TNFRSF8: variants seen among roughly 807,000 people sequenced by gnomAD.
TNFRSF8 encodes TNF receptor superfamily member 8.
Under a neutral mutation model 70.8 loss-of-function variants are expected in TNFRSF8, and 26 were observed. The ratio of observed to expected loss-of-function variants is 0.37; its 90% CI spans 0.27 to 0.51. TNFRSF8 has a LOEUF of 0.51. TNFRSF8 is among the 20% of genes least tolerant of loss of function. TNFRSF8 has a pLI of 0.94. For synonymous variants in TNFRSF8, 356 were observed against 339.2 expected, an observed-to-expected ratio of 1.05 and a Z score of -0.54; for missense variants, 720 against 807.9, an observed-to-expected ratio of 0.89 and a Z score of 1.32.
chr1:12,094,168 A>G (rs1229444547), intron 2 of TNFRSF8, among the ~76,000 whole-genome samples: 1 of 152,006 alleles, frequency 6.6e-6, no homozygotes, highest in Non-Finnish European at 1.5e-5. Flanking sequence ...TGGGGAATTT[A>G]GACACTGTGA....
chr1:12,125,269 A>G (rs919896768), intron 10 of TNFRSF8, among the ~76,000 whole-genome samples: 1 of 152,204 alleles, frequency 6.6e-6, no homozygotes, highest in African/African-American at 2.4e-5. Flanking sequence ...AGGTGTGAAG[A>G]AGTAGATCTA....
intron 2 of TNFRSF8, among the ~76,000 whole-genome samples, chr1:12,093,340 G>A (rs892618351): frequency 2.0e-5 from 3 of 152,212 alleles, no homozygotes; most frequent in Non-Finnish European, 2.9e-5. Context: ...CAGACTGGCT[G>A]TAGTAGAGAG....
chr1:12,106,640 T>TG (rs941422584), intron 4 of TNFRSF8, among the ~76,000 whole-genome samples: 5 of 151,508 alleles, frequency 3.3e-5, no homozygotes, highest in African/African-American at 1.2e-4. Context: ...TCCGAGCTGG[T>TG]GGGGGGGTGG....
chr1:12,095,795 A>G (rs1641322146), intron 2 of TNFRSF8, among the ~76,000 whole-genome samples: 1 of 152,238 alleles, frequency 6.6e-6, no homozygotes. Flanking sequence ...ATAAGACAAA[A>G]GAGAAATAAT....
At chr1:12,097,921 AAAT>A (rs1260358369) in intron 3 of TNFRSF8, among the ~76,000 whole-genome samples, 8 of 152,172 alleles carry the variant, frequency 5.3e-5, no homozygotes, top group Non-Finnish European at 1.0e-4. Context: ...TGTGTTATTT[AAAT>A]AATGTGTACC....
chr1:12,142,442 CCG>C lies in TNFRSF8; in HGVS notation c.1701_1702del (p.Pro568SerfsTer36), dbSNP rs1301609029. The C allele has an allele frequency of 1.2e-6, 2 of 1,612,958 alleles. No homozygotes were observed. The highest frequency in any genetic ancestry group is 8.5e-7 in the Non-Finnish European group (1 of 1,179,716). On this transcript the variant is annotated frameshift_variant, in exon 15 of 15. Transcript: ENST00000263932. LOFTEE classifies it high-confidence loss of function. The surrounding 1 kb of genome is among the most constrained non-coding windows in gnomAD (Gnocchi z 5.0). Reference sequence around the variant, plus strand: ...CCACTACCCCGAGCAGGAGACAGAACCGCCTCTGGGCAGCTGCAGCGATGTCA... The same window carrying C: ...CCACTACCCCGAGCAGGAGACAGAACCCTCTGGGCAGCTGCAGCGATGTCA... ...TPHYPEQETE[P>X]PLGSCSDVML...
At position 12,123,804 on chromosome 1, in the gene TNFRSF8, C is replaced by T. The variant is rs756071503; in HGVS notation, c.1130C>T (p.Thr377Met). Residue 377 changes from threonine (T) to methionine (M), a missense_variant, in exon 10 of 15, where the codon ACG (threonine) becomes ATG (methionine). Physicochemically the swap from Thr to Met is moderately conservative, Grantham distance 81 (BLOSUM62 -1). Coordinates refer to ENST00000263932, the MANE Select transcript of TNFRSF8 (RefSeq NM_001243.5). Reference sequence around the variant, plus strand: ...AGCGCTCCCGTCGCTCTCTCCTCCACGGGGAAGCCCGTTCTGGATGCAGGT... The same window carrying T: ...AGCGCTCCCGTCGCTCTCTCCTCCATGGGGAAGCCCGTTCTGGATGCAGGT... ...PTSAPVALSS[T>M]GKPVLDAGPV... The T allele has an allele frequency of 8.3e-6, 13 of 1,571,614 alleles. No individual in the cohort carries two copies. The highest frequency in any genetic ancestry group is 3.7e-5 in the Admixed American group (2 of 53,974).
chr1:12,138,262 G>A lies in TNFRSF8; in HGVS notation c.1369G>A (p.Val457Ile), dbSNP rs199499696. 16 of 1,613,440 alleles carry A rather than the reference G, an allele frequency of 9.9e-6. No homozygotes were observed. Among genetic ancestry groups the A allele is most frequent in the East Asian group, 4.5e-5 (2 of 44,890 alleles). Residue 457 changes from valine to isoleucine, a missense_variant, in exon 14 of 15, where the codon GTC (valine) becomes ATC (isoleucine). Transcript: ENST00000263932. This position sits in a 1 kb window ranked among gnomAD's most constrained non-coding sequence, Gnocchi z 5.7. Reference protein sequence around the residue: ...LRSGASVTEPVAEERGLMSQP... With the variant: ...LRSGASVTEPIAEERGLMSQP... ...GAGTGGTGCGTCGGTGACAGAACCCGTCGCGGAAGAGCGAGGGTTAATGAG... is the reference window on the plus strand; with the variant it reads ...GAGTGGTGCGTCGGTGACAGAACCCATCGCGGAAGAGCGAGGGTTAATGAG...
At chr1:12,120,618 G>T (rs1391086447) in intron 8 of TNFRSF8, among the ~76,000 whole-genome samples, 1 of 152,178 alleles carries the variant, frequency 6.6e-6, no homozygotes, top group African/African-American at 2.4e-5. Context: ...CCCAAGGACT[G>T]GGTGTTTGGA....
intron 4 of TNFRSF8, among the ~76,000 whole-genome samples, chr1:12,104,982 G>A (rs1641494833): frequency 6.6e-6 from 1 of 152,130 alleles, no homozygotes; most frequent in South Asian, 2.1e-4. Flanking sequence ...CCAACTTATC[G>A]TGTGACCTCA....
rs1056440098 is a variant in TNFRSF8 at position 12,063,547 on chromosome 1, C to T, written c.-52C>T. On this transcript the variant is annotated 5_prime_UTR_variant, in exon 1 of 15. Coordinates refer to ENST00000263932, the MANE Select transcript of TNFRSF8 (RefSeq NM_001243.5). This position sits in a 1 kb window ranked among gnomAD's most constrained non-coding sequence, Gnocchi z 7.2. ...GCACGTGGGCGCCGCGCGCTTCCCC[C>T]GCTTCCCAGGTGGGCGCCGGCCGCC... 3 of 1,294,666 alleles carry T rather than the reference C, an allele frequency of 2.3e-6. No individual in the cohort carries two copies. Among genetic ancestry groups the T allele is most frequent in the South Asian group, 4.6e-5 (2 of 43,882 alleles). The allele number at this position is 1,294,666 out of a possible 1,614,324, so 80.2% of individuals were successfully genotyped here.
At chr1:12,133,994 C>T (rs566105555) in intron 12 of TNFRSF8, among the ~76,000 whole-genome samples, 1 of 152,218 alleles carries the variant, frequency 6.6e-6, no homozygotes, top group Admixed American at 6.5e-5. Context: ...GAGCCAAGAT[C>T]GTGCCACTGC....
chr1:12,117,576 G>A (rs1474378218), intron 8 of TNFRSF8, among the ~76,000 whole-genome samples: 1 of 152,062 alleles, frequency 6.6e-6, no homozygotes, highest in African/African-American at 2.4e-5. Context: ...ATGGGCCCAG[G>A]GTTCCCTGGC....
chr1:12,080,061 G>A (rs1053940734), intron 1 of TNFRSF8, among the ~76,000 whole-genome samples: 3 of 150,912 alleles, frequency 2.0e-5, no homozygotes, highest in African/African-American at 4.9e-5. Flanking sequence ...GGATTCTCCC[G>A]CCTCAGCCTC....
intron 1 of TNFRSF8, among the ~76,000 whole-genome samples, chr1:12,065,222 A>G (rs1640718035): frequency 6.6e-6 from 1 of 150,784 alleles, no homozygotes; most frequent in Non-Finnish European, 1.5e-5. Flanking sequence ...AGCTGGGATT[A>G]CAGGCATGTG....
chr1:12,075,754 C>T (rs1479847161), intron 1 of TNFRSF8, among the ~76,000 whole-genome samples: 1 of 152,324 alleles, frequency 6.6e-6, no homozygotes, highest in East Asian at 1.9e-4. Context: ...CCATCTTGGA[C>T]AAGCATCGCC....
rs772723761 is a variant in TNFRSF8, at chr1:12,115,741, C to T, written c.946+12C>T. ...CACCAAGCCCCAGGGTAAGCAGTTC[C>T]CACCCCAGGCCTCGACCACAGGGTG... On this transcript the variant is annotated intron_variant, in intron 8 of 14. Coordinates refer to ENST00000263932, the MANE Select transcript of TNFRSF8 (RefSeq NM_001243.5). 2 of 1,612,284 alleles carry T rather than the reference C, an allele frequency of 1.2e-6. No homozygotes were observed. Among genetic ancestry groups the T allele is most frequent in the South Asian group, 2.2e-5 (2 of 91,060 alleles).
Position 12,123,688 on chromosome 1 carries a change from A to G in TNFRSF8, c.1041-27A>G, listed in dbSNP as rs113195983. The stretch of plus-strand genomic sequence containing the variant: ...CCACTTCCCTCTTCCCATCTTCATC[A>G]CTCCTGCCTTGGGCTTCTCCCCGCA... On this transcript the variant is annotated intron_variant, in intron 9 of 14. Coordinates refer to ENST00000263932, the MANE Select transcript of TNFRSF8 (RefSeq NM_001243.5). 194 of 1,528,784 alleles carry G rather than the reference A, an allele frequency of 1.3e-4. No individual in the cohort carries two copies. The African/African-American group carries it at 1.9e-3, about 15-fold the overall frequency. The allele number at this position is 1,528,784 out of a possible 1,614,324, so 94.7% of individuals were successfully genotyped here.
intron 1 of TNFRSF8, among the ~76,000 whole-genome samples, chr1:12,077,356 T>A (rs922625671): frequency 6.6e-6 from 1 of 152,044 alleles, no homozygotes; most frequent in Non-Finnish European, 1.5e-5. Flanking sequence ...CCTGGCTGTG[T>A]TAGAGAGAGA....
Sources: allele counts gnomAD v4.1 joint callset (sites outside exome capture counted in the v4.1 genomes callset), GRCh38; gene constraint gnomAD v4.1.1; non-coding constraint Gnocchi (gnomAD v3.1); transcripts MANE v1.5; gene names NCBI Gene and HGNC (gene_info 2026-07-23, HGNC 2026-07-21).